Variants in PDE10A observed in about 807,000 individuals in gnomAD.
PDE10A encodes cAMP and cAMP-inhibited cGMP 3',5'-cyclic phosphodiesterase 10A.
A neutral mutation model predicts 97.7 loss-of-function variants in PDE10A; 39 were observed. That is an observed-to-expected ratio of 0.40 (90% confidence interval 0.31 to 0.52). PDE10A has a LOEUF of 0.52. PDE10A is among the 20% of genes least tolerant of loss of function. The pLI, the probability that PDE10A is intolerant of heterozygous loss-of-function variation, is 0.56. For missense variants in PDE10A, 731 were observed against 1,047.8 expected, an observed-to-expected ratio of 0.70 and a Z score of 4.17; for synonymous variants, 371 against 376.8, an observed-to-expected ratio of 0.98 and a Z score of 0.18.
intron 2 of PDE10A, among the ~76,000 whole-genome samples, chr6:165,506,062 G>A (rs1006517147): frequency 4.0e-5 from 6 of 151,802 alleles, no homozygotes; most frequent in Non-Finnish European, 4.4e-5. Context: ...TATTCCTGTC[G>A]GGAAAATGTC....
intron 1 of PDE10A, among the ~76,000 whole-genome samples, chr6:165,820,880 G>T (rs1405212602): frequency 6.6e-6 from 1 of 152,230 alleles, no homozygotes; most frequent in East Asian, 1.9e-4. Context: ...TGGCAGCTCA[G>T]TAGGAACACA....
intron 20 of PDE10A, among the ~76,000 whole-genome samples, chr6:165,336,531 C>T (rs1025013293): frequency 2.0e-5 from 3 of 151,958 alleles, no homozygotes; most frequent in Non-Finnish European, 4.4e-5. Context: ...GGGTGGATCA[C>T]GAGGTCAGGA....
chr6:165,927,345 C>CA (rs1782968659), intron 1 of PDE10A, among the ~76,000 whole-genome samples: 1 of 152,004 alleles, frequency 6.6e-6, no homozygotes, highest in Non-Finnish European at 1.5e-5. Context: ...TAAAAGCCAA[C>CA]AACAGATTGG....
chr6:165,568,099 C>G (rs957833630), intron 1 of PDE10A, among the ~76,000 whole-genome samples: 1 of 148,004 alleles, frequency 6.8e-6, no homozygotes, highest in Non-Finnish European at 1.5e-5. Flanking sequence ...CCTGGGTTCA[C>G]GCCATTCTCC....
At chr6:165,948,427 C>A (rs1426344093) in intron 1 of PDE10A, 11 of 152,284 alleles carry the variant, frequency 7.2e-5, no homozygotes, top group African/African-American at 1.2e-4. Flanking sequence ...GGGATGGAGG[C>A]AGAACTAAGT....
intron 1 of PDE10A, among the ~76,000 whole-genome samples, chr6:165,619,564 A>ACAGTC (rs1562635276): frequency 2.3e-4 from 1 of 4,424 alleles, no homozygotes. Context: ...CTAGTGTAGT[A>ACAGTC]TACTGTAGTC....
At chr6:165,350,571 T>C (rs1053261553) in intron 18 of PDE10A, among the ~76,000 whole-genome samples, 2 of 152,016 alleles carry the variant, frequency 1.3e-5, no homozygotes, top group African/African-American at 2.4e-5. Flanking sequence ...AAGTAGAGGA[T>C]TGTGTTTTGA....
chr6:165,371,300 T>C (rs541088253), intron 18 of PDE10A, among the ~76,000 whole-genome samples: 43 of 152,120 alleles, frequency 2.8e-4, no homozygotes, highest in African/African-American at 1.0e-3. Flanking sequence ...AGCTGGTTTT[T>C]TGAAAGGATC....
chr6:165,864,775 A>G (rs368796941), intron 1 of PDE10A, among the ~76,000 whole-genome samples: 4 of 152,254 alleles, frequency 2.6e-5, no homozygotes, highest in Admixed American at 2.6e-4. Context: ...ATAGGGAAAT[A>G]GTTAAACGAA....
Position 165,329,738 on chromosome 6 carries a change from T to C in PDE10A, c.*3287A>G, listed in dbSNP as rs1458013831. ...ATTATTGAACACATCTAGTTTCCAA[T>C]TAGTTGCTTTTGTTGTGGTGAGAAC... On this transcript the variant is annotated 3_prime_UTR_variant, in exon 22 of 22. Transcript: ENST00000539869. 6.6e-6 allele frequency: 1 copy of C among 152,224 alleles called. No individual in the cohort carries two copies. Among genetic ancestry groups the C allele is most frequent in the Non-Finnish European group, 1.5e-5 (1 of 68,042 alleles). The allele number at this position is 152,224 out of a possible 1,614,324, so 9.4% of individuals were successfully genotyped here.
At chr6:165,725,640 C>G (rs1792274751) in intron 1 of PDE10A, among the ~76,000 whole-genome samples, 1 of 147,568 alleles carries the variant, frequency 6.8e-6, no homozygotes, top group African/African-American at 2.5e-5. Context: ...GAACCTGTCT[C>G]CTGATGCTCA....
At chr6:165,829,976 C>T (rs1276851774) in intron 1 of PDE10A, among the ~76,000 whole-genome samples, 3 of 152,052 alleles carry the variant, frequency 2.0e-5, no homozygotes, top group African/African-American at 7.2e-5. Context: ...TGTACACAGG[C>T]GAAGTTAAAT....
chr6:165,800,718 T>A (rs1211223548), intron 1 of PDE10A, among the ~76,000 whole-genome samples: 1 of 152,178 alleles, frequency 6.6e-6, no homozygotes, highest in African/African-American at 2.4e-5. Context: ...CATCAATCGA[T>A]GGGCAAGGTA....
At chr6:165,874,384 A>G (rs1781280619) in intron 1 of PDE10A, among the ~76,000 whole-genome samples, 4 of 8,676 alleles carry the variant, frequency 4.6e-4, no homozygotes, top group East Asian at 0.071. Flanking sequence ...GAAAAAAAAA[A>G]TTTAGCCAGA....
At chr6:165,466,723 C>A (rs1001161193) in intron 3 of PDE10A, among the ~76,000 whole-genome samples, 1 of 152,124 alleles carries the variant, frequency 6.6e-6, no homozygotes, top group Non-Finnish European at 1.5e-5. Context: ...TCTCCTTGAA[C>A]CTCCCTAATC....
At chr6:165,442,887 T>C (rs1790573418) in intron 5 of PDE10A, among the ~76,000 whole-genome samples, 1 of 151,988 alleles carries the variant, frequency 6.6e-6, no homozygotes, top group East Asian at 1.9e-4. Flanking sequence ...GGCGGGTGGA[T>C]CGACTGAGGT....
chr6:165,599,193 A>G (rs1786787268), intron 1 of PDE10A, among the ~76,000 whole-genome samples: 3 of 152,252 alleles, frequency 2.0e-5, no homozygotes, highest in African/African-American at 7.2e-5. Context: ...TTTCTGGCAA[A>G]TAGTAAATGC....
intron 1 of PDE10A, among the ~76,000 whole-genome samples, chr6:165,811,149 G>T (rs896855116): frequency 6.6e-6 from 1 of 152,202 alleles, no homozygotes; most frequent in African/African-American, 2.4e-5. Context: ...CTTGAACCCA[G>T]GAGGCAGAGG....
At chr6:165,724,190 A>G (rs1792234908) in intron 1 of PDE10A, among the ~76,000 whole-genome samples, 1 of 152,232 alleles carries the variant, frequency 6.6e-6, no homozygotes, top group African/African-American at 2.4e-5. Flanking sequence ...AAAATTGGAA[A>G]GTTTATTTAA....
Sources: allele counts gnomAD v4.1 joint callset (sites outside exome capture counted in the v4.1 genomes callset), GRCh38; gene constraint gnomAD v4.1.1; transcripts MANE v1.5; gene names NCBI Gene and HGNC (gene_info 2026-07-23, HGNC 2026-07-21).